Variants in STXBP4 observed in about 807,000 individuals in gnomAD.
The protein encoded by STXBP4 is syntaxin-binding protein 4.
In STXBP4, 55 loss-of-function variants were observed where a neutral mutation model predicts 76.1. The ratio of observed to expected loss-of-function variants is 0.72; its 90% CI spans 0.58 to 0.91. The LOEUF (loss-of-function observed/expected upper bound fraction) is 0.91. Among genes scored for constraint, STXBP4 ranks in the 40% least tolerant of loss-of-function variants. The probability of loss-of-function intolerance (pLI) is 0.00; values close to 1 mark genes in which losing one functional copy is unlikely to be tolerated. For missense variants in STXBP4, 618 were observed against 636.9 expected (o/e 0.97, Z 0.32); for synonymous variants, 201 against 220.2 (o/e 0.91, Z 0.77).
At chr17:55,063,890 A>G (rs1212396320) in intron 12 of STXBP4, among the ~76,000 whole-genome samples, 1 of 152,222 alleles carries the variant, frequency 6.6e-6, no homozygotes, top group African/African-American at 2.4e-5. Context: ...TTAGAAGCTG[A>G]ACATTTTGCA....
intron 17 of STXBP4, among the ~76,000 whole-genome samples, chr17:55,143,096 A>G (rs995763193): frequency 5.9e-5 from 9 of 152,222 alleles, no homozygotes; most frequent in Middle Eastern, 3.2e-3. Flanking sequence ...TTTACTGAGC[A>G]CTAGCTTGTG....
the STXBP4 span, among the ~76,000 whole-genome samples, chr17:55,181,796 A>G: frequency 2.0e-5 from 3 of 152,338 alleles, no homozygotes; most frequent in East Asian, 3.9e-4. Flanking sequence ...TGCTGATTCT[A>G]GAAGGGGTGA....
chr17:54,989,623 A>G (rs568929118), intron 3 of STXBP4, among the ~76,000 whole-genome samples: 1 of 152,354 alleles, frequency 6.6e-6, no homozygotes, highest in African/African-American at 2.4e-5. Context: ...TTTTATAAAT[A>G]TTAAATTAAA....
At chr17:55,006,437 C>T (rs575298492) in intron 7 of STXBP4, among the ~76,000 whole-genome samples, 2 of 152,148 alleles carry the variant, frequency 1.3e-5, no homozygotes, top group Admixed American at 6.5e-5. Context: ...CTATGTAGAA[C>T]TAGTAAAATA....
the STXBP4 span, among the ~76,000 whole-genome samples, chr17:55,207,485 G>A: frequency 1.3e-5 from 2 of 152,116 alleles, no homozygotes; most frequent in Non-Finnish European, 1.5e-5. Context: ...CCCCCTAACT[G>A]GGCCTGAAAC....
intron 10 of STXBP4, among the ~76,000 whole-genome samples, chr17:55,042,718 A>C (rs1397476653): frequency 6.6e-6 from 1 of 152,022 alleles, no homozygotes; most frequent in Non-Finnish European, 1.5e-5. Context: ...ATTATCTTCA[A>C]TCTACAATTT....
intron 1 of STXBP4, among the ~76,000 whole-genome samples, chr17:54,969,583 A>G (rs2077356109): frequency 6.6e-6 from 1 of 152,202 alleles, no homozygotes; most frequent in Non-Finnish European, 1.5e-5. Context: ...ATATTCATAT[A>G]ACGTCTTTCA....
intron 17 of STXBP4, among the ~76,000 whole-genome samples, chr17:55,146,084 C>T (rs1166883676): frequency 6.6e-6 from 1 of 152,064 alleles, no homozygotes; most frequent in Non-Finnish European, 1.5e-5. Flanking sequence ...ATGCTTTATA[C>T]ATATGTTATA....
rs142609914 is a variant in STXBP4, at chr17:55,163,602, A to C, written c.*3691A>C. The C allele has an allele frequency of 3.9e-5, 6 of 152,202 alleles. No homozygotes were observed. The highest frequency in any genetic ancestry group is 8.8e-5 in the Non-Finnish European group (6 of 68,038). 9.4% of individuals were successfully genotyped at this position (152,202 alleles called of 1,614,324 possible). On this transcript the variant is annotated 3_prime_UTR_variant, in exon 18 of 18. Coordinates refer to ENST00000376352, the MANE Select transcript of STXBP4 (RefSeq NM_178509.6). ...CAAACACTTCCTGAGCACCTGCTAC[A>C]TGCCAGGCAAAATGTGAAATTTGCA...
intron 8 of STXBP4, among the ~76,000 whole-genome samples, chr17:55,015,743 G>C (rs1442969729): frequency 6.6e-6 from 1 of 151,596 alleles, no homozygotes; most frequent in Non-Finnish European, 1.5e-5. Context: ...TTATTAGTTG[G>C]GGAAGGAGTC....
intron 12 of STXBP4, among the ~76,000 whole-genome samples, chr17:55,053,324 G>T (rs1185761317): frequency 6.6e-6 from 1 of 151,956 alleles, no homozygotes. Flanking sequence ...CTTACCCTCA[G>T]ATGGTTAAAA....
intron 12 of STXBP4, among the ~76,000 whole-genome samples, chr17:55,047,900 G>C (rs2078810851): frequency 6.6e-6 from 1 of 151,842 alleles, no homozygotes; most frequent in African/African-American, 2.4e-5. Context: ...CAAAACTTCT[G>C]AAGCTTGCCT....
intron 17 of STXBP4, among the ~76,000 whole-genome samples, chr17:55,155,096 G>A (rs1032043281): frequency 6.6e-6 from 1 of 152,018 alleles, no homozygotes; most frequent in South Asian, 2.1e-4. Flanking sequence ...TGATTTTAGC[G>A]GCATATTTCC....
At chr17:55,093,897 G>A (rs2079448922) in intron 16 of STXBP4, among the ~76,000 whole-genome samples, 1 of 152,130 alleles carries the variant, frequency 6.6e-6, no homozygotes, top group Non-Finnish European at 1.5e-5. Context: ...AAATTGTAGT[G>A]GGCAGAGATG....
At chr17:54,999,021 G>A (rs993380548) in intron 4 of STXBP4, among the ~76,000 whole-genome samples, 1 of 152,056 alleles carries the variant, frequency 6.6e-6, no homozygotes, top group South Asian at 2.1e-4. Context: ...CACAGAGTCA[G>A]AGCTTTATCA....
At chr17:55,091,298 A>G (rs16955565) in intron 16 of STXBP4, among the ~76,000 whole-genome samples, 5,450 of 152,202 alleles carry the variant, frequency 0.036, 137 homozygotes, top group South Asian at 0.068. Context: ...GGTTTTTTTG[A>G]AAGTTAAAAT....
chr17:55,089,869 T>C (rs1474764439), intron 16 of STXBP4, among the ~76,000 whole-genome samples: 2 of 152,172 alleles, frequency 1.3e-5, no homozygotes, highest in Non-Finnish European at 2.9e-5. Context: ...GGCCTTTAAC[T>C]ACCTTCCTTC....
chr17:55,067,171 G>A (rs937227278), intron 12 of STXBP4, among the ~76,000 whole-genome samples: 2 of 152,096 alleles, frequency 1.3e-5, no homozygotes, highest in Non-Finnish European at 2.9e-5. Context: ...TTTACTCTCA[G>A]ACAGATTGTG....
intron 16 of STXBP4, among the ~76,000 whole-genome samples, chr17:55,135,959 C>G (rs2145135869): frequency 6.6e-6 from 1 of 152,282 alleles, no homozygotes; most frequent in South Asian, 2.1e-4. Flanking sequence ...AGCATAGGCT[C>G]TGGCATCCAA....
Sources: allele counts gnomAD v4.1 joint callset (sites outside exome capture counted in the v4.1 genomes callset), GRCh38; gene constraint gnomAD v4.1.1; transcripts MANE v1.5; gene names NCBI Gene and HGNC (gene_info 2026-07-23, HGNC 2026-07-21).